UNC79: variants seen among roughly 807,000 people sequenced by gnomAD.
The protein encoded by UNC79 is protein unc-79 homolog.
A neutral mutation model predicts 283.1 loss-of-function variants in UNC79; 37 were observed. That is an observed-to-expected ratio of 0.13 (90% CI 0.10 to 0.17). UNC79 has a LOEUF of 0.17. Ranked by LOEUF, UNC79 falls within the 10% of genes least tolerant of loss-of-function variation. UNC79 has a pLI of 1.00. For synonymous variants in UNC79, 1,107 were observed against 1,200.2 expected (o/e 0.92, Z 1.61); for missense variants, 2,272 against 3,211.1 (o/e 0.71, Z 7.07).
chr14:93,640,808 T>C (rs1278977825), intron 32 of UNC79, among the ~76,000 whole-genome samples: 3 of 152,290 alleles, frequency 2.0e-5, no homozygotes, highest in East Asian at 3.9e-4. Context: ...AAATAAGAAT[T>C]GTAGCTCTTT....
At chr14:93,701,057 T>C (rs1045725621) in intron 47 of UNC79, among the ~76,000 whole-genome samples, 2 of 152,136 alleles carry the variant, frequency 1.3e-5, no homozygotes, top group Admixed American at 1.3e-4. Flanking sequence ...AAAACTGTAG[T>C]CACTTTGACC....
exon 4 of UNC79, chr14:93,477,570 C>T (rs1452875997): frequency 8.1e-6 from 13 of 1,599,522 alleles, no homozygotes; most frequent in Non-Finnish European, 1.1e-5. Context: ...CTTGGACAGT[C>T]GATATTTTAT....
intron 1 of UNC79, among the ~76,000 whole-genome samples, chr14:93,417,007 T>C (rs2055475870): frequency 6.6e-6 from 1 of 152,156 alleles, no homozygotes; most frequent in Admixed American, 6.5e-5. Flanking sequence ...AATTGGAGCA[T>C]TTAGTCCATT....
rs909722209 is a variant in UNC79, at chr14:93,474,675, C to G, written c.448+282C>G. ...AAGAAATTTTCTCTTCTTTCCTGAT[C>G]AGTTATCATGAGGACTCTTGTTGAA... On this transcript the variant is annotated intron_variant, in intron 3 of 48. Coordinates refer to ENST00000555664, the Ensembl canonical transcript of UNC79. This position sits in a 1 kb window ranked among gnomAD's most constrained non-coding sequence, Gnocchi z 4.1. Among the ~76,000 whole-genome samples the G allele has an allele frequency of 1.3e-5, 2 of 152,108 alleles. No individual in the cohort carries two copies. Among genetic ancestry groups the G allele is most frequent in the African/African-American group, 4.8e-5 (2 of 41,408 alleles).
intron 1 of UNC79, among the ~76,000 whole-genome samples, chr14:93,336,456 C>T (rs564494544): frequency 3.0e-4 from 45 of 152,262 alleles, no homozygotes; most frequent in Middle Eastern, 3.4e-3. Flanking sequence ...ATTCTCCTGC[C>T]TCAGCCTCCC....
chr14:93,559,096 A>G (rs188627362), intron 14 of UNC79, among the ~76,000 whole-genome samples: 5 of 152,370 alleles, frequency 3.3e-5, no homozygotes, highest in African/African-American at 9.6e-5. Flanking sequence ...GGCAGCCCCC[A>G]GAATCACAGC....
At chr14:93,630,207 T>C (rs1366778910) in intron 30 of UNC79, among the ~76,000 whole-genome samples, 2 of 152,228 alleles carry the variant, frequency 1.3e-5, no homozygotes, top group African/African-American at 4.8e-5. Context: ...ACTTAAGGGT[T>C]AGCGAAGGCT....
chr14:93,675,049 C>G (rs2073214936), intron 41 of UNC79, among the ~76,000 whole-genome samples: 1 of 152,212 alleles, frequency 6.6e-6, no homozygotes, highest in African/African-American at 2.4e-5. Flanking sequence ...TTTGCTGAAA[C>G]TCCGCTTTTC....
At chr14:93,691,643 G>A (rs2074707801) in intron 45 of UNC79, 106 bp from the exon 49 acceptor site, 1 of 1,153,166 alleles carries the variant, frequency 8.7e-7, no homozygotes, top group Admixed American at 1.7e-5. Flanking sequence ...ATGCCTTTGT[G>A]CTTCCCCTGT....
upstream of UNC79, among the ~76,000 whole-genome samples, chr14:93,428,963 A>G (rs1203636087): frequency 2.0e-5 from 3 of 152,218 alleles, no homozygotes; most frequent in Non-Finnish European, 4.4e-5. Context: ...GGGTTAATTG[A>G]TGACAAATGA....
intron 32 of UNC79, among the ~76,000 whole-genome samples, chr14:93,640,647 C>T (rs2068938801): frequency 6.6e-6 from 1 of 152,044 alleles, no homozygotes; most frequent in Admixed American, 6.5e-5. Flanking sequence ...AACAAACACA[C>T]TGATATTTCT....
At chr14:93,500,827 T>A (rs563641334) in intron 7 of UNC79, among the ~76,000 whole-genome samples, 2 of 152,308 alleles carry the variant, frequency 1.3e-5, no homozygotes, top group Admixed American at 6.5e-5. Flanking sequence ...AAACATTAGG[T>A]AAAGCATTAG....
At chr14:93,434,932 A>G (rs2056025863) in intron 1 of UNC79, among the ~76,000 whole-genome samples, 1 of 152,232 alleles carries the variant, frequency 6.6e-6, no homozygotes, top group Admixed American at 6.5e-5. Flanking sequence ...AACCAAAAAT[A>G]TTTTTGATTA....
intron 2 of UNC79, among the ~76,000 whole-genome samples, chr14:93,471,247 A>G (rs899497701): frequency 1.3e-5 from 2 of 152,228 alleles, no homozygotes; most frequent in African/African-American, 4.8e-5. Context: ...TGTTAAGTAC[A>G]TAGATTCAAC....
intron 11 of UNC79, 108 bp from the exon 12 acceptor site, chr14:93,537,881 G>T: frequency 9.4e-7 from 1 of 1,063,932 alleles, no homozygotes; most frequent in South Asian, 1.7e-5. Flanking sequence ...AGTGGCCCTT[G>T]AATGTGTTGT....
intron 40 of UNC79, among the ~76,000 whole-genome samples, chr14:93,670,845 C>T (rs2072771592): frequency 6.6e-6 from 1 of 152,122 alleles, no homozygotes; most frequent in African/African-American, 2.4e-5. Flanking sequence ...TATTAGCATA[C>T]AAAAAGAATC....
chr14:93,622,081 G>A (rs770682183), exon 30 of UNC79: 17 of 1,614,008 alleles, frequency 1.1e-5, no homozygotes, highest in Middle Eastern at 1.6e-4. Flanking sequence ...ATTCAACCTC[G>A]GGGCCTGAAA....
intron 48 of UNC79, 111 bp from the exon 52 acceptor site, chr14:93,706,593 A>T: frequency 7.9e-7 from 1 of 1,259,188 alleles, no homozygotes; most frequent in Non-Finnish European, 1.1e-6. Context: ...TTCAGGCCAG[A>T]CAACCCTTGA....
chr14:93,400,989 C>A (rs1421396073), intron 1 of UNC79, among the ~76,000 whole-genome samples: 1 of 151,970 alleles, frequency 6.6e-6, no homozygotes, highest in Non-Finnish European at 1.5e-5. Context: ...AGAATGATAC[C>A]TTCATTATGA....
Sources: allele counts gnomAD v4.1 joint callset (sites outside exome capture counted in the v4.1 genomes callset), GRCh38; gene constraint gnomAD v4.1.1; non-coding constraint Gnocchi (gnomAD v3.1); transcripts MANE v1.5; gene names NCBI Gene and HGNC (gene_info 2026-07-23, HGNC 2026-07-21).